The following RTL4 variants were observed in gnomAD, a reference collection of about 807,000 sequenced individuals.
RTL4 encodes the protein retrotransposon Gag-like protein 4.
RTL4 carries 4 observed loss-of-function variants against 5.3 expected under a neutral mutation model. That is an observed-to-expected ratio of 0.75 (90% CI 0.37 to 1.72). The LOEUF is 1.72. RTL4 is among the 40% of genes most tolerant of loss of function. The pLI is 0.04. For missense variants in RTL4, 260 were observed against 227.1 expected (o/e 1.14, Z -0.93); for synonymous variants, 98 against 87.3 (o/e 1.12, Z -0.68).
the RTL4 span, among the ~76,000 whole-genome samples, chrX:112,310,596 TTA>T: frequency 2.0e-5 from 1 of 49,455 alleles, no homozygotes; most frequent in African/African-American, 9.2e-5. Context: ...ATATTATATA[TTA>T]TATATATTTA....
the RTL4 span, among the ~76,000 whole-genome samples, chrX:112,291,690 C>T: frequency 1.8e-5 from 2 of 110,175 alleles, no homozygotes; most frequent in Non-Finnish European, 1.9e-5. Context: ...TCTGCCTCCC[C>T]GGTTCACGCC....
chrX:112,193,052 C>T, the RTL4 span, among the ~76,000 whole-genome samples: 3 of 111,314 alleles, frequency 2.7e-5, no homozygotes, highest in Admixed American at 1.9e-4. Context: ...GTTTTTTATT[C>T]GTCAGTATTT....
the RTL4 span, among the ~76,000 whole-genome samples, chrX:112,446,022 A>G: frequency 5.4e-5 from 6 of 111,509 alleles, no homozygotes; most frequent in African/African-American, 2.0e-4. Flanking sequence ...ACGGTGCAGA[A>G]GGAAGGTTGC....
chrX:112,357,378 A>G, the RTL4 span, among the ~76,000 whole-genome samples: 1 of 111,376 alleles, frequency 9.0e-6, no homozygotes, highest in Non-Finnish European at 1.9e-5. Context: ...TTATTGACCA[A>G]TCCTGGGTCA....
At chrX:112,367,446 G>T in the RTL4 span, among the ~76,000 whole-genome samples, 16 of 111,624 alleles carry the variant, frequency 1.4e-4, no homozygotes, top group Non-Finnish European at 2.8e-4. Flanking sequence ...CTTAATGATG[G>T]CATTAAGTCA....
At chrX:112,332,372 C>G in the RTL4 span, among the ~76,000 whole-genome samples, 2 of 110,301 alleles carry the variant, frequency 1.8e-5, no homozygotes, top group East Asian at 5.7e-4. Context: ...GTTGTAAAGA[C>G]ACATGCACAC....
the RTL4 span, among the ~76,000 whole-genome samples, chrX:112,302,474 T>C: frequency 8.9e-6 from 1 of 111,834 alleles, no homozygotes; most frequent in Non-Finnish European, 1.9e-5. Flanking sequence ...TACATGAATA[T>C]ATTAAGTAGT....
At chrX:112,298,693 T>A in the RTL4 span, among the ~76,000 whole-genome samples, 1 of 112,796 alleles carries the variant, frequency 8.9e-6, no homozygotes, top group Non-Finnish European at 1.9e-5. Context: ...CTGATTTGAA[T>A]GAATCCAACA....
the RTL4 span, among the ~76,000 whole-genome samples, chrX:112,387,027 T>A: frequency 9.0e-6 from 1 of 111,203 alleles, no homozygotes; most frequent in Non-Finnish European, 1.9e-5. Flanking sequence ...ATTTTTTTTT[T>A]ATTTTTTTGA....
chrX:112,256,291 G>T, the RTL4 span, among the ~76,000 whole-genome samples: 1 of 111,345 alleles, frequency 9.0e-6, no homozygotes, highest in Non-Finnish European at 1.9e-5. Flanking sequence ...TAGTCACCTT[G>T]CCCTGAAAGA....
the RTL4 span, among the ~76,000 whole-genome samples, chrX:112,187,014 T>C: frequency 1.8e-5 from 2 of 111,822 alleles, no homozygotes; most frequent in Non-Finnish European, 3.8e-5. Flanking sequence ...AGTGGCTGAA[T>C]TCCTCCCCCA....
chrX:112,427,663 T>C, the RTL4 span, among the ~76,000 whole-genome samples: 1 of 111,657 alleles, frequency 9.0e-6, no homozygotes, highest in Admixed American at 9.5e-5. Flanking sequence ...TTTAAAATTT[T>C]TCTTCTTTTC....
the RTL4 span, among the ~76,000 whole-genome samples, chrX:112,365,437 C>T: frequency 9.0e-6 from 1 of 111,268 alleles, no homozygotes; most frequent in East Asian, 2.9e-4. Flanking sequence ...GGGTCAGAAA[C>T]TCAACTTATT....
chrX:112,317,094 C>T, the RTL4 span, among the ~76,000 whole-genome samples: 2 of 111,345 alleles, frequency 1.8e-5, no homozygotes, highest in Non-Finnish European at 1.9e-5. Flanking sequence ...TCAGTCTTTA[C>T]GGAAAGAAAA....
the RTL4 span, among the ~76,000 whole-genome samples, chrX:112,408,556 T>G: frequency 3.7e-5 from 4 of 108,890 alleles, no homozygotes; most frequent in Non-Finnish European, 7.6e-5. Flanking sequence ...TTTATTGACC[T>G]TATGAAGTAG....
the RTL4 span, among the ~76,000 whole-genome samples, chrX:112,096,730 A>G: frequency 2.7e-5 from 3 of 111,919 alleles, no homozygotes; most frequent in Non-Finnish European, 3.8e-5. Flanking sequence ...TGCACTACAT[A>G]GCAAAGCAAG....
the RTL4 span, among the ~76,000 whole-genome samples, chrX:112,369,723 T>C: frequency 1.8e-5 from 2 of 112,191 alleles, no homozygotes; most frequent in East Asian, 5.6e-4. Context: ...ATCTGACTTA[T>C]GCTTTAATAC....
chrX:112,235,143 A>C, the RTL4 span, among the ~76,000 whole-genome samples: 1 of 112,105 alleles, frequency 8.9e-6, no homozygotes, highest in East Asian at 2.8e-4. Flanking sequence ...GATGGTATCA[A>C]ACTCAAGTGA....
chrX:112,182,100 T>A, the RTL4 span, among the ~76,000 whole-genome samples: 1 of 111,375 alleles, frequency 9.0e-6, no homozygotes. Context: ...GCCTGACTGT[T>A]AGAAGGAAAA....
Sources: gnomAD v4.1 joint callset for allele counts (sites outside exome capture counted in the v4.1 genomes callset) on GRCh38, gnomAD v4.1.1 for gene constraint, MANE v1.5 for transcripts, NCBI Gene and HGNC (gene_info 2026-07-23, HGNC 2026-07-21) for gene names.